The following BRINP2 variants were observed in gnomAD, a reference collection of about 807,000 sequenced individuals.
BRINP2 encodes the protein BMP/retinoic acid-inducible neural-specific protein 2.
Under a neutral mutation model 69.2 loss-of-function variants are expected in BRINP2, and 21 were observed. That is an observed-to-expected ratio of 0.30 (90% CI 0.22 to 0.44). The LOEUF (loss-of-function observed/expected upper bound fraction) is 0.44, where lower values mean the gene tolerates loss of function less well. Ranked by LOEUF, BRINP2 falls within the 20% of genes least tolerant of loss-of-function variation. The pLI is 1.00. For missense variants in BRINP2, 877 were observed against 986.0 expected (o/e 0.89, Z 1.48); for synonymous variants, 380 against 394.1 (o/e 0.96, Z 0.42).
At chr1:177,187,760 A>G (rs1375474290) in intron 1 of BRINP2, among the ~76,000 whole-genome samples, 1 of 152,230 alleles carries the variant, frequency 6.6e-6, no homozygotes, top group East Asian at 1.9e-4. Flanking sequence ...ATGAGCTCTC[A>G]AAACCAGGTA....
chr1:177,173,939 T>A (rs1054154587), intron 1 of BRINP2, among the ~76,000 whole-genome samples: 3 of 152,176 alleles, frequency 2.0e-5, no homozygotes, highest in Non-Finnish European at 4.4e-5. Context: ...CACTGCGCAG[T>A]GTATTTTTGG....
intron 1 of BRINP2, among the ~76,000 whole-genome samples, chr1:177,222,551 A>T (rs2102319470): frequency 6.6e-6 from 1 of 152,150 alleles, no homozygotes; most frequent in Non-Finnish European, 1.5e-5. Context: ...GCCTCAGGTG[A>T]TCCACCCACC....
At chr1:177,209,569 G>A (rs1271914765) in intron 1 of BRINP2, among the ~76,000 whole-genome samples, 3 of 152,194 alleles carry the variant, frequency 2.0e-5, no homozygotes, top group Non-Finnish European at 2.9e-5. Context: ...TTGTGAATGA[G>A]TGTGATGAAT....
chr1:177,258,371 G>T (rs1031797647), intron 4 of BRINP2, among the ~76,000 whole-genome samples: 3 of 152,190 alleles, frequency 2.0e-5, no homozygotes, highest in Non-Finnish European at 4.4e-5. Flanking sequence ...CATTCAATAA[G>T]TATTTACTGA....
intron 2 of BRINP2, among the ~76,000 whole-genome samples, chr1:177,237,923 T>C (rs1015018818): frequency 6.6e-6 from 1 of 152,098 alleles, no homozygotes; most frequent in African/African-American, 2.4e-5. Flanking sequence ...GGTCAAGGAT[T>C]CTCAATATTT....
At position 177,280,559 on chromosome 1, in the gene BRINP2, C is replaced by A; in HGVS notation, c.1383C>A (p.Gly461=). 1.2e-6 allele frequency: 2 copies of A among 1,614,138 alleles called. No homozygotes were observed. The highest frequency in any genetic ancestry group is 1.1e-5 in the South Asian group (1 of 91,080). ...SCQGPIPCAL[G]EGPACAHCAP... is the part of the protein sequence containing the mutation. ...AGGGCCCCATCCCATGTGCCTTGGG[C>A]GAAGGGCCCGCGTGTGCCCACTGTG... Residue 461 remains glycine, a synonymous_variant, in exon 8 of 8, where the codon GGC becomes GGA. Coordinates refer to ENST00000361539, the MANE Select transcript of BRINP2 (RefSeq NM_021165.4).
At chr1:177,220,032 G>C (rs1461621366) in intron 1 of BRINP2, among the ~76,000 whole-genome samples, 1 of 152,216 alleles carries the variant, frequency 6.6e-6, no homozygotes, top group Non-Finnish European at 1.5e-5. Flanking sequence ...TAGATCCAGG[G>C]AGATGGGCAG....
At chr1:177,219,695 A>C (rs1454201385) in intron 1 of BRINP2, among the ~76,000 whole-genome samples, 1 of 152,210 alleles carries the variant, frequency 6.6e-6, no homozygotes, top group African/African-American at 2.4e-5. Context: ...GTTCAGATTC[A>C]ATGACAGGCC....
Position 177,229,842 on chromosome 1 carries a change from C to T in BRINP2, c.-35C>T, listed in dbSNP as rs370573955. 7 of 1,546,796 alleles carry T rather than the reference C, an allele frequency of 4.5e-6. No individual in the cohort carries two copies. The highest frequency in any genetic ancestry group is 1.2e-5 in the South Asian group (1 of 80,418). On this transcript the variant is annotated 5_prime_UTR_variant, in exon 2 of 8. Transcript: ENST00000361539. ...AGCAGCACGGAGCGGGAGAGCGTGG[C>T]GAGAGAATGAAGAAACCAATCGCCC...
At chr1:177,266,358 A>G (rs1651119735) in intron 4 of BRINP2, among the ~76,000 whole-genome samples, 1 of 152,014 alleles carries the variant, frequency 6.6e-6, no homozygotes, top group Admixed American at 6.5e-5. Flanking sequence ...CTTTACTCAA[A>G]TATGTCATAT....
chr1:177,202,566 A>C (rs551414719), intron 1 of BRINP2, among the ~76,000 whole-genome samples: 6 of 152,270 alleles, frequency 3.9e-5, no homozygotes, highest in Admixed American at 1.3e-4. Flanking sequence ...GGTCTGAGAG[A>C]CAGTTTGTTA....
At chr1:177,218,558 C>G (rs1246003376) in intron 1 of BRINP2, among the ~76,000 whole-genome samples, 1 of 152,140 alleles carries the variant, frequency 6.6e-6, no homozygotes, top group Admixed American at 6.5e-5. Context: ...CCCAGATAGT[C>G]TAGTCATGTG....
At chr1:177,193,569 C>T (rs1648650984) in intron 1 of BRINP2, among the ~76,000 whole-genome samples, 1 of 152,056 alleles carries the variant, frequency 6.6e-6, no homozygotes, top group East Asian at 1.9e-4. Context: ...TTTAGTTTCC[C>T]CCTTGTTGAG....
Position 177,234,384 on chromosome 1 carries a change from C to T in BRINP2, c.269+4239C>T, listed in dbSNP as rs114871831. 2.1e-3 allele frequency among the ~76,000 whole-genome samples: 319 copies of T among 152,314 alleles called. 2 individuals are homozygous for T. Among genetic ancestry groups the T allele is most frequent in the African/African-American group, 7.1e-3 (296 of 41,562 alleles). On this transcript the variant is annotated intron_variant, in intron 2 of 7. Coordinates refer to ENST00000361539, the MANE Select transcript of BRINP2 (RefSeq NM_021165.4). ...TGGTAAGTGCATCTTCATCATAACACGCACCTACTCAGGCACCTAAATTGA... is the reference window on the plus strand; with the variant it reads ...TGGTAAGTGCATCTTCATCATAACATGCACCTACTCAGGCACCTAAATTGA...
chr1:177,209,181 T>C (rs1245188723), intron 1 of BRINP2, among the ~76,000 whole-genome samples: 2 of 150,922 alleles, frequency 1.3e-5, no homozygotes, highest in Non-Finnish European at 1.5e-5. Context: ...GGTGGCCCTG[T>C]AGGGGAAGCA....
chr1:177,220,188 C>A (rs945094243), intron 1 of BRINP2, among the ~76,000 whole-genome samples: 2 of 152,310 alleles, frequency 1.3e-5, no homozygotes, highest in South Asian at 2.1e-4. Flanking sequence ...GGGGGCCTAT[C>A]TATCTACAGC....
intron 1 of BRINP2, among the ~76,000 whole-genome samples, chr1:177,210,295 C>A (rs1026985711): frequency 9.9e-5 from 15 of 152,172 alleles, no homozygotes; most frequent in African/African-American, 3.6e-4. Flanking sequence ...CAGAGACAGC[C>A]ATGGTTCAAG....
intron 2 of BRINP2, among the ~76,000 whole-genome samples, chr1:177,241,646 T>C (rs1286828438): frequency 6.6e-6 from 1 of 152,188 alleles, no homozygotes. Flanking sequence ...CAATTCTGAC[T>C]CCTAGGGAGC....
chr1:177,267,311 C>T (rs1202393132), intron 4 of BRINP2, among the ~76,000 whole-genome samples: 1 of 152,206 alleles, frequency 6.6e-6, no homozygotes, highest in African/African-American at 2.4e-5. Flanking sequence ...TGTTGAAATA[C>T]GTGTCACTAC....
Sources: allele counts gnomAD v4.1 joint callset (sites outside exome capture counted in the v4.1 genomes callset), GRCh38; gene constraint gnomAD v4.1.1; transcripts MANE v1.5; gene names NCBI Gene and HGNC (gene_info 2026-07-23, HGNC 2026-07-21).